The following OXR1 variants were observed in gnomAD, a reference collection of about 807,000 sequenced individuals.
OXR1 encodes the protein oxidation resistance protein 1.
In OXR1, 41 loss-of-function variants were observed where a neutral mutation model predicts 104.6. The ratio of observed to expected loss-of-function variants is 0.39; its 90% confidence interval spans 0.31 to 0.51. The LOEUF is 0.51. OXR1 is among the 20% of genes least tolerant of loss of function. The pLI is 0.77. For missense variants in OXR1, 955 were observed against 1,031.9 expected, an observed-to-expected ratio of 0.93 and a Z score of 1.02; for synonymous variants, 348 against 348.4, an observed-to-expected ratio of 1.00 and a Z score of 0.01.
At chr8:106,588,502 T>TA (rs902833405) in intron 3 of OXR1, among the ~76,000 whole-genome samples, 9 of 151,700 alleles carry the variant, frequency 5.9e-5, no homozygotes, top group African/African-American at 2.2e-4. Flanking sequence ...TACTTTTTTT[T>TA]TTTTTGAGAC....
intron 1 of OXR1, among the ~76,000 whole-genome samples, chr8:106,336,869 C>T (rs1342404203): frequency 6.6e-6 from 1 of 152,150 alleles, no homozygotes; most frequent in African/African-American, 2.4e-5. Flanking sequence ...GACATAAACC[C>T]ATGGCTTATG....
chr8:106,710,172 A>G (rs1831553791), intron 9 of OXR1, among the ~76,000 whole-genome samples: 1 of 152,160 alleles, frequency 6.6e-6, no homozygotes, highest in South Asian at 2.1e-4. Flanking sequence ...TACATGTAAA[A>G]GCATTAGAAA....
At chr8:106,372,666 C>A (rs1207415662) in intron 2 of OXR1, among the ~76,000 whole-genome samples, 1 of 152,158 alleles carries the variant, frequency 6.6e-6, no homozygotes, top group African/African-American at 2.4e-5. Flanking sequence ...ATAAAATTAT[C>A]TCCAGGCCAT....
chr8:106,301,255 A>G (rs562953038), intron 1 of OXR1, among the ~76,000 whole-genome samples: 1 of 152,164 alleles, frequency 6.6e-6, no homozygotes, highest in Non-Finnish European at 1.5e-5. Context: ...TATTTCAGCT[A>G]TGCTTACGTA....
At chr8:106,553,825 G>T (rs1196169697) in intron 3 of OXR1, among the ~76,000 whole-genome samples, 1 of 151,996 alleles carries the variant, frequency 6.6e-6, no homozygotes, top group African/African-American at 2.4e-5. Flanking sequence ...CCTCCGCATT[G>T]GATATCTTAT....
At chr8:106,359,857 C>T (rs1296635792) in intron 2 of OXR1, among the ~76,000 whole-genome samples, 2 of 152,228 alleles carry the variant, frequency 1.3e-5, no homozygotes, top group East Asian at 1.9e-4. Flanking sequence ...ATTGAAGCCT[C>T]GCACTGAATC....
chr8:106,704,376 TTTC>T (rs1830904967), intron 8 of OXR1, among the ~76,000 whole-genome samples: 1 of 149,828 alleles, frequency 6.7e-6, no homozygotes, highest in Non-Finnish European at 1.5e-5. Context: ...TCTTTTTCTT[TTTC>T]TTTCTTTCTT....
At chr8:106,359,942 T>C (rs1389974962) in intron 2 of OXR1, among the ~76,000 whole-genome samples, 1 of 152,168 alleles carries the variant, frequency 6.6e-6, no homozygotes, top group Non-Finnish European at 1.5e-5. Flanking sequence ...TCAGTATTCC[T>C]TGCTATCGGT....
At chr8:106,546,948 G>A (rs1262882457) in intron 3 of OXR1, among the ~76,000 whole-genome samples, 2 of 152,160 alleles carry the variant, frequency 1.3e-5, no homozygotes, top group Non-Finnish European at 2.9e-5. Flanking sequence ...CTGGAGTGCA[G>A]TGATGCAATC....
At position 106,751,519 on chromosome 8, in the gene OXR1, A is replaced by C. The variant is rs1370892843; in HGVS notation, c.*578A>C. 1 of 152,580 alleles carries C rather than the reference A, an allele frequency of 6.6e-6. No individual in the cohort carries two copies. The highest frequency in any genetic ancestry group is 6.5e-5 in the Admixed American group (1 of 15,280). 9.5% of individuals were successfully genotyped at this position (152,580 alleles called of 1,614,324 possible). A position where few individuals can be genotyped will look rare whatever the true frequency, so the allele number is the denominator to read the frequency against. On this transcript the variant is annotated 3_prime_UTR_variant, in exon 17 of 17. Transcript: ENST00000517566. ...CTTTAACGATGTTGCAGGTATTCTC[A>C]ATTTCCTTTTAAGAAAAATGAAATG...
At chr8:106,518,583 T>G (rs1374800675) in intron 2 of OXR1, among the ~76,000 whole-genome samples, 1 of 152,204 alleles carries the variant, frequency 6.6e-6, no homozygotes, top group Admixed American at 6.5e-5. Flanking sequence ...GAGTTAACAT[T>G]TATTTTTAAC....
intron 3 of OXR1, among the ~76,000 whole-genome samples, chr8:106,611,218 G>C (rs1461855559): frequency 6.6e-6 from 1 of 152,214 alleles, no homozygotes; most frequent in Non-Finnish European, 1.5e-5. Flanking sequence ...AATGTCTGGG[G>C]AAGAGCATTC....
At chr8:106,677,864 A>G (rs1296891474) in intron 3 of OXR1, among the ~76,000 whole-genome samples, 1 of 152,110 alleles carries the variant, frequency 6.6e-6, no homozygotes, top group Non-Finnish European at 1.5e-5. Context: ...ATGGCAGTTC[A>G]TAATAGTTTT....
intron 2 of OXR1, among the ~76,000 whole-genome samples, chr8:106,514,602 T>C (rs947136942): frequency 6.6e-6 from 1 of 152,110 alleles, no homozygotes; most frequent in Non-Finnish European, 1.5e-5. Flanking sequence ...GCCACGTCCT[T>C]TGCTCATTCT....
chr8:106,344,559 G>C (rs1288184125), intron 1 of OXR1, among the ~76,000 whole-genome samples: 1 of 152,060 alleles, frequency 6.6e-6, no homozygotes. Flanking sequence ...GGATGGTCTT[G>C]ATCTCCTGAC....
chr8:106,276,301 G>T (rs553795858), intron 1 of OXR1, among the ~76,000 whole-genome samples: 2 of 152,276 alleles, frequency 1.3e-5, no homozygotes, highest in African/African-American at 4.8e-5. Flanking sequence ...CATGAAGCCT[G>T]GTTTTTGCAA....
chr8:106,587,112 G>C (rs1818688454), intron 3 of OXR1, among the ~76,000 whole-genome samples: 1 of 152,146 alleles, frequency 6.6e-6, no homozygotes, highest in South Asian at 2.1e-4. Context: ...AAAATTTGAT[G>C]ATATAGAGGA....
intron 7 of OXR1, among the ~76,000 whole-genome samples, chr8:106,697,223 A>T (rs1830129996): frequency 6.6e-6 from 1 of 152,138 alleles, no homozygotes; most frequent in Admixed American, 6.5e-5. Flanking sequence ...TTTGATGGGT[A>T]TGGGGAAGGG....
chr8:106,658,028 T>C, intron 3 of OXR1: 6 of 1,248,538 alleles, frequency 4.8e-6, no homozygotes, highest in Non-Finnish European at 6.1e-6. Context: ...GTGGGCGCCT[T>C]CTGCGGGGCA....
Sources: gnomAD v4.1 joint callset for allele counts (sites outside exome capture counted in the v4.1 genomes callset) on GRCh38, gnomAD v4.1.1 for gene constraint, MANE v1.5 for transcripts, NCBI Gene and HGNC (gene_info 2026-07-23, HGNC 2026-07-21) for gene names.